The following PKD1L3 variants were observed in gnomAD, a reference collection of about 807,000 sequenced individuals.
PKD1L3 encodes the protein polycystin 1 like 3, transient receptor potential channel interacting.
In PKD1L3, 239 loss-of-function variants were observed where a neutral mutation model predicts 184.1. That is an observed-to-expected ratio of 1.30 (90% CI 1.17 to 1.45). The LOEUF (loss-of-function observed/expected upper bound fraction) is 1.45. Among genes scored for constraint, PKD1L3 ranks in the 40% most tolerant of loss-of-function variants. The pLI, the probability that PKD1L3 is intolerant of heterozygous loss-of-function variation, is 0.00. For synonymous variants in PKD1L3, 996 were observed against 778.8 expected (o/e 1.28, Z -4.64); for missense variants, 2,660 against 2,067.2 (o/e 1.29, Z -5.56).
Position 71,962,678 on chromosome 16 carries a change from C to T in PKD1L3, c.2612+527G>A, listed in dbSNP as rs182604473. Among the ~76,000 whole-genome samples the T allele has an allele frequency of 7.5e-4, 114 of 152,060 alleles. 1 individual carries two copies. Among genetic ancestry groups the T allele is most frequent in the African/African-American group, 2.6e-3 (106 of 41,488 alleles). ...ATTTTTGTATTTTTAGTAGGTCTTG[C>T]TATGTTGGCTAGGCTGGTCTTGAAC... On this transcript the variant is annotated intron_variant, in intron 16 of 29. Transcript: ENST00000620267.
At chr16:71,963,384 G>A (rs202135733) in intron 15 of PKD1L3, 33 bp from the exon 16 acceptor site, 77 of 1,517,176 alleles carry the variant, frequency 5.1e-5, no homozygotes, top group Admixed American at 4.2e-5. Context: ...ACATTAGGGA[G>A]ATGGGCTTGA....
At position 71,943,039 on chromosome 16, in the gene PKD1L3, G is replaced by GA. The variant is rs762694991; in HGVS notation, c.3860-16dup. 17 of 1,507,114 alleles carry GA rather than the reference G, an allele frequency of 1.1e-5. No individual in the cohort carries two copies. The East Asian group carries it at 3.7e-4, about 33-fold the overall frequency. The allele number at this position is 1,507,114 out of a possible 1,614,324, so 93.4% of individuals were successfully genotyped here. A position where few individuals can be genotyped will look rare whatever the true frequency, so the allele number is the denominator to read the frequency against. ...GAGGATTTGTACTTGTTTAGAAGAG[G>GA]AAAAAAATGTCATAGTTGAGTGGTT... On this transcript the variant is annotated splice_polypyrimidine_tract_variant and intron_variant, in intron 23 of 29. Coordinates refer to ENST00000620267, the MANE Select transcript of PKD1L3 (RefSeq NM_181536.2).
chr16:71,977,049 A>T (rs1039943086), intron 11 of PKD1L3, among the ~76,000 whole-genome samples, 187 bp downstream of exon 11: 27 of 152,080 alleles, frequency 1.8e-4, no homozygotes, highest in Non-Finnish European at 1.3e-4. Context: ...GGCCCACAAA[A>T]TTTTTTTTAA....
At chr16:71,949,611 C>A (rs1567503311) in intron 21 of PKD1L3, among the ~76,000 whole-genome samples, 172 bp downstream of exon 21, 1 of 152,068 alleles carries the variant, frequency 6.6e-6, no homozygotes, top group Non-Finnish European at 1.5e-5. Context: ...CCTTGGCCTC[C>A]CAAATTGCTG....
chr16:71,978,489 G>GTA, intron 9 of PKD1L3, 106 bp from the exon 10 acceptor site: 1 of 125,196 alleles, frequency 8.0e-6, no homozygotes, highest in Non-Finnish European at 1.2e-5. Context: ...GTGTGTGTGT[G>GTA]TGTGTGTATA....
intron 2 of PKD1L3, among the ~76,000 whole-genome samples, chr16:71,994,793 G>T (rs534191758): frequency 2.6e-5 from 4 of 152,082 alleles, no homozygotes; most frequent in Non-Finnish European, 5.9e-5. Flanking sequence ...GAGGTCAGGA[G>T]TTCGAGACCA....
At chr16:71,968,349 A>G (rs2039578897) in intron 13 of PKD1L3, among the ~76,000 whole-genome samples, 1 of 152,194 alleles carries the variant, frequency 6.6e-6, no homozygotes. Context: ...TAAACTATGA[A>G]TAATTTGGGG....
chr16:71,943,099 C>G (rs908607990), intron 23 of PKD1L3, 75 bp from the exon 24 acceptor site: 3 of 1,237,842 alleles, frequency 2.4e-6, no homozygotes, highest in East Asian at 5.1e-5. Context: ...TTCATTTTTC[C>G]TAAGTCTATA....
intron 16 of PKD1L3, among the ~76,000 whole-genome samples, chr16:71,955,681 T>G (rs1168924948): frequency 1.3e-5 from 2 of 151,948 alleles, no homozygotes; most frequent in African/African-American, 4.8e-5. Flanking sequence ...TCATCTTGAA[T>G]TGTAGTTTCC....
chr16:71,945,561 A>C (rs539855849), intron 22 of PKD1L3, among the ~76,000 whole-genome samples: 44 of 151,782 alleles, frequency 2.9e-4, no homozygotes, highest in Middle Eastern at 3.4e-3. Context: ...ACCTGTAATC[A>C]CAGCTACTCG....
rs1455112291 is a variant in PKD1L3 at position 71,963,302 on chromosome 16, G to A, written c.2515C>T (p.His839Tyr). 1.3e-6 allele frequency: 2 copies of A among 1,551,300 alleles called. No individual in the cohort carries two copies. The highest frequency in any genetic ancestry group is 2.7e-5 in the African/African-American group (2 of 73,028). Residue 839 changes from histidine to tyrosine, a missense_variant, in exon 16 of 30, where the codon CAT (histidine) becomes TAT (tyrosine). Physicochemically the swap from His to Tyr is moderately conservative, Grantham distance 83 (BLOSUM62 2). Coordinates refer to ENST00000620267, the MANE Select transcript of PKD1L3 (RefSeq NM_181536.2). ...VCDMAVKRKW[H>Y]FLCNCWLAVD... ...GCCAGCCAGCAATTGCACAGGAAAT[G>A]CCACTTCCTCTTAACTGCCATGTCA...
intron 3 of PKD1L3, among the ~76,000 whole-genome samples, chr16:71,991,458 C>A (rs370917511): frequency 6.6e-6 from 1 of 151,314 alleles, no homozygotes. Flanking sequence ...TTCAAGATGA[C>A]AAAAAAAATA....
intron 22 of PKD1L3, among the ~76,000 whole-genome samples, chr16:71,944,413 C>T (rs1273048363): frequency 1.3e-5 from 2 of 152,180 alleles, no homozygotes; most frequent in Non-Finnish European, 2.9e-5. Context: ...AACACAGCGG[C>T]TCATGCCTGT....
chr16:71,962,412 G>C (rs1215546364), intron 16 of PKD1L3, among the ~76,000 whole-genome samples: 1 of 152,204 alleles, frequency 6.6e-6, no homozygotes, highest in South Asian at 2.1e-4. Context: ...GAAAGATACA[G>C]AAGTTGATAC....
chr16:71,949,776 C>T lies in PKD1L3; in HGVS notation c.3618+7G>A. The T allele has an allele frequency of 6.5e-7, 1 of 1,547,816 alleles. No individual in the cohort carries two copies. The highest frequency in any genetic ancestry group is 8.7e-7 in the Non-Finnish European group (1 of 1,144,800). On this transcript the variant is annotated splice_region_variant and intron_variant, in intron 21 of 29. Transcript: ENST00000620267. ...AACTCCAATGGTTCTTCCCATCCCT[C>T]ACATACCTTTACTGGCTGGCTGATG...
intron 6 of PKD1L3, among the ~76,000 whole-genome samples, chr16:71,983,461 T>C (rs780654685): frequency 7.2e-5 from 11 of 152,054 alleles, no homozygotes; most frequent in Non-Finnish European, 4.4e-5. Flanking sequence ...GCCGACAGAC[T>C]TCTAACAAAT....
At chr16:71,960,601 T>A (rs936350871) in intron 16 of PKD1L3, among the ~76,000 whole-genome samples, 4 of 151,930 alleles carry the variant, frequency 2.6e-5, no homozygotes, top group Non-Finnish European at 4.4e-5. Flanking sequence ...AAACATCCAA[T>A]AGACATATAA....
chr16:71,970,037 G>T lies in PKD1L3; in HGVS notation c.2022C>A (p.Asp674Glu). The T allele has an allele frequency of 6.4e-7, 1 of 1,551,710 alleles. No homozygotes were observed. The highest frequency in any genetic ancestry group is 8.7e-7 in the Non-Finnish European group (1 of 1,147,000). ...TCACGGTCCTGGGCACGACAAAGAAGTCGCTGGCAAAGAAGGTCAGGTGGT... is the reference window on the plus strand; with the variant it reads ...TCACGGTCCTGGGCACGACAAAGAATTCGCTGGCAAAGAAGGTCAGGTGGT... ...LCNHLTFFAS[D>E]FFVVPRTVNV... The change falls in exon 13 of 30, where the codon GAC becomes GAA. Residue 674 changes from aspartate (D) to glutamate (E), a missense_variant. Asp to Glu is a conservative substitution (Grantham distance 45). Transcript: ENST00000620267.
chr16:71,973,497 G>A lies in PKD1L3; in HGVS notation c.1780C>T (p.Leu594=), dbSNP rs1294261218. The change falls in exon 12 of 30, where the codon CTG becomes TTG. Residue 594 remains leucine, a synonymous_variant. Transcript: ENST00000620267. The part of the protein sequence containing the change: ...WQKDEEYTWV[L]NPEHLQHGIG... ...CCGTGCTGCAGATGCTCTGGATTCA[G>A]CACCCACGTGTACTCCTCATCTTAG... 1.3e-6 allele frequency: 2 copies of A among 1,551,768 alleles called. No homozygotes were observed. The highest frequency in any genetic ancestry group is 2.4e-5 in the South Asian group (2 of 84,052).
Sources: gnomAD v4.1 joint callset for allele counts (sites outside exome capture counted in the v4.1 genomes callset) on GRCh38, gnomAD v4.1.1 for gene constraint, MANE v1.5 for transcripts, NCBI Gene and HGNC (gene_info 2026-07-23, HGNC 2026-07-21) for gene names.